The following VWA8 variants were observed in gnomAD, a reference collection of about 807,000 sequenced individuals.
VWA8 encodes the protein von Willebrand factor A domain containing 8, also known as von Willebrand factor A domain-containing protein 8.
VWA8 carries 221 observed loss-of-function variants against 241.5 expected under a neutral mutation model. The observed-to-expected ratio is 0.91, with a 90% CI of 0.82 to 1.02. The LOEUF is 1.02. VWA8 is among the 50% of genes least tolerant of loss of function. The pLI is 0.00. For missense variants in VWA8, 2,322 were observed against 2,328.7 expected (o/e 1.00, Z 0.06); for synonymous variants, 852 against 827.1 (o/e 1.03, Z -0.52).
chr13:41,719,348 A>AAT, intron 26 of VWA8: 1 of 1,329,224 alleles, frequency 7.5e-7, no homozygotes, highest in Non-Finnish European at 9.6e-7. Context: ...TAAAGAAACA[A>AAT]ATATTTCCCT....
intron 42 of VWA8, 76 bp from the exon 43 acceptor site, chr13:41,575,914 C>A: frequency 9.0e-7 from 1 of 1,108,304 alleles, no homozygotes; most frequent in East Asian, 2.4e-5. Context: ...ATGTTCAACT[C>A]TTTGGACCAT....
At chr13:41,879,836 C>A (rs1874085369) in intron 9 of VWA8, among the ~76,000 whole-genome samples, 1 of 152,150 alleles carries the variant, frequency 6.6e-6, no homozygotes. Context: ...TTGTCAAATC[C>A]TGGCCTCCAG....
chr13:41,849,898 A>G (rs78452108), intron 12 of VWA8, among the ~76,000 whole-genome samples: 74 of 152,030 alleles, frequency 4.9e-4, no homozygotes, highest in African/African-American at 1.7e-3. Flanking sequence ...AAAAAAAAAA[A>G]GAAAAGAAAA....
At chr13:41,843,627 A>T (rs181118417) in intron 12 of VWA8, among the ~76,000 whole-genome samples, 1 of 152,326 alleles carries the variant, frequency 6.6e-6, no homozygotes, top group East Asian at 1.9e-4. Flanking sequence ...GAAGATCCAA[A>T]TCAGCACAAT....
At position 41,615,161 on chromosome 13, in the gene VWA8, T is replaced by G. The variant is rs2044613363; in HGVS notation, c.4612-77A>C. 5 of 1,460,620 alleles carry G rather than the reference T, an allele frequency of 3.4e-6. No individual in the cohort carries two copies. In the South Asian group the frequency reaches 6.1e-5, roughly 18 times the overall value. The allele number at this position is 1,460,620 out of a possible 1,614,324, so 90.5% of individuals were successfully genotyped here. On this transcript the variant is annotated intron_variant, in intron 37 of 44. Coordinates refer to ENST00000379310, the MANE Select transcript of VWA8 (RefSeq NM_015058.2). ...ACTGCATGACAGAAAAAAAAATTAT[T>G]TTCTCCTAAGTCCTTAAGGTATCAC...
chr13:41,798,479 C>A (rs1238778767), intron 17 of VWA8, among the ~76,000 whole-genome samples: 1 of 152,184 alleles, frequency 6.6e-6, no homozygotes, highest in African/African-American at 2.4e-5. Context: ...AGGATACTAT[C>A]CAATCCTGGA....
intron 37 of VWA8, among the ~76,000 whole-genome samples, chr13:41,632,765 T>C (rs965279530): frequency 4.6e-5 from 7 of 152,196 alleles, no homozygotes; most frequent in African/African-American, 1.7e-4. Flanking sequence ...GCACCTGGAG[T>C]TCCTGTGAAA....
chr13:41,580,494 T>C (rs2044375803), intron 42 of VWA8, among the ~76,000 whole-genome samples: 2 of 152,226 alleles, frequency 1.3e-5, no homozygotes, highest in Admixed American at 6.5e-5. Flanking sequence ...TTGTGAGTCA[T>C]ATGTTTCCAC....
chr13:41,890,591 T>C (rs1874787766), intron 5 of VWA8, among the ~76,000 whole-genome samples: 2 of 152,260 alleles, frequency 1.3e-5, no homozygotes, highest in African/African-American at 4.8e-5. Flanking sequence ...ACGGTACTTA[T>C]TCATTCATTC....
chr13:41,748,101 T>G (rs1002259982), intron 21 of VWA8, among the ~76,000 whole-genome samples: 1 of 152,218 alleles, frequency 6.6e-6, no homozygotes, highest in Non-Finnish European at 1.5e-5. Context: ...ATCAGGATGA[T>G]GCTGGCCTCA....
intron 19 of VWA8, 80 bp from the exon 20 acceptor site, chr13:41,778,136 T>C (rs1485613981): frequency 3.0e-6 from 3 of 993,110 alleles, no homozygotes; most frequent in East Asian, 5.8e-5. Context: ...GATATCTTTA[T>C]AGAATATAAA....
At chr13:41,731,379 T>C (rs1419257045) in intron 22 of VWA8, among the ~76,000 whole-genome samples, 2 of 152,110 alleles carry the variant, frequency 1.3e-5, no homozygotes, top group Admixed American at 6.6e-5. Flanking sequence ...ATTAGAACCA[T>C]TTAAAAAAAC....
rs1450851003 is a variant in VWA8, at chr13:41,671,015, T to C, written c.4542A>G (p.Gly1514=). The change falls in exon 37 of 45, where the codon GGA becomes GGG. Residue 1514 remains glycine, a synonymous_variant. Transcript: ENST00000379310. ...MGGHIRLWET[G]LERLQRSLME... ...TGAGTGATCGCTGCAGACGTTCAAG[T>C]CCAGTTTCCCAAAGCCTGATGTGAC... 1.2e-6 allele frequency: 2 copies of C among 1,613,866 alleles called. No homozygotes were observed. The highest frequency in any genetic ancestry group is 1.7e-6 in the Non-Finnish European group (2 of 1,179,920).
chr13:41,807,923 C>A (rs938160174), intron 17 of VWA8: 1 of 152,192 alleles, frequency 6.6e-6, no homozygotes, highest in African/African-American at 2.4e-5. Flanking sequence ...GAGATCGCGC[C>A]TGTGAATAGC....
chr13:41,868,458 G>A lies in VWA8; in HGVS notation c.1100C>T (p.Ser367Leu). 6.2e-7 allele frequency: 1 copy of A among 1,613,050 alleles called. No individual in the cohort carries two copies. The highest frequency in any genetic ancestry group is 8.5e-7 in the Non-Finnish European group (1 of 1,179,738). Residue 367 changes from serine to leucine, a missense_variant, in exon 10 of 45, where the codon TCA becomes TTA. By Grantham distance (145) the Ser-to-Leu change is moderately radical. Transcript: ENST00000379310. ...GVLKRFELQD[S>L]GSSLLPKEIV... ...CTCTTTAGGAAGTAGAGAGCTTCCT[G>A]AATCTTGAAGTTCAAAGCGCTGTAA...
chr13:41,926,149 G>T, intron 2 of VWA8: 1 of 595,448 alleles, frequency 1.7e-6, no homozygotes, highest in South Asian at 2.2e-5. Flanking sequence ...GGAGTTCAGG[G>T]GAACCCTGGG....
chr13:41,872,058 G>A (rs1873653678), intron 9 of VWA8, among the ~76,000 whole-genome samples: 1 of 152,332 alleles, frequency 6.6e-6, no homozygotes, highest in South Asian at 2.1e-4. Flanking sequence ...GATGGCCAGT[G>A]ATGATGAGCA....
chr13:41,766,169 T>C (rs2045777747), intron 20 of VWA8, among the ~76,000 whole-genome samples: 1 of 152,160 alleles, frequency 6.6e-6, no homozygotes, highest in Non-Finnish European at 1.5e-5. Context: ...CTGGGACTCT[T>C]ATAACTTCCT....
chr13:41,942,462 C>A (rs1467834468), intron 2 of VWA8, among the ~76,000 whole-genome samples: 1 of 152,138 alleles, frequency 6.6e-6, no homozygotes, highest in Non-Finnish European at 1.5e-5. Flanking sequence ...TAACTTTCAC[C>A]CCTGGTAGAA....
Sources: allele counts gnomAD v4.1 joint callset (sites outside exome capture counted in the v4.1 genomes callset), GRCh38; gene constraint gnomAD v4.1.1; transcripts MANE v1.5; gene names NCBI Gene and HGNC (gene_info 2026-07-23, HGNC 2026-07-21).